The following GPR35 variants were observed in gnomAD, a reference collection of about 807,000 sequenced individuals.
The protein encoded by GPR35 is KYNA receptor.
For synonymous variants in GPR35, 207 were observed against 198.4 expected, an observed-to-expected ratio of 1.04 and a Z score of -0.36; for missense variants, 372 against 422.5, an observed-to-expected ratio of 0.88 and a Z score of 1.05.
At chr2:240,615,247 G>C (rs925242814) in intron 2 of GPR35, among the ~76,000 whole-genome samples, 7 of 152,160 alleles carry the variant, frequency 4.6e-5, no homozygotes, top group African/African-American at 1.7e-4. Context: ...CTGCCCTCCT[G>C]CTCAGATGGT....
upstream of GPR35, among the ~76,000 whole-genome samples, chr2:240,623,095 AT>A (rs1176014000): frequency 6.6e-6 from 1 of 152,130 alleles, no homozygotes; most frequent in African/African-American, 2.4e-5. Flanking sequence ...TGAGCACCTG[AT>A]ATGTCCCCGG....
At chr2:240,607,914 CA>C (rs370364176) in intron 2 of GPR35, among the ~76,000 whole-genome samples, 82 of 151,722 alleles carry the variant, frequency 5.4e-4, no homozygotes, top group African/African-American at 1.8e-3. Flanking sequence ...TAAATTGAGA[CA>C]GGGGCTCACT....
upstream of GPR35, among the ~76,000 whole-genome samples, chr2:240,623,440 GGGCGCAAACA>G (rs1220657151): frequency 9.5e-4 from 77 of 81,248 alleles, 6 homozygotes; most frequent in Middle Eastern, 0.015. Context: ...CAGGTCGTGA[GGGCGCAAACA>G]GGTCGTGAGG....
intron 1 of GPR35, among the ~76,000 whole-genome samples, chr2:240,627,262 C>T (rs536934949): frequency 6.6e-6 from 1 of 152,318 alleles, no homozygotes; most frequent in African/African-American, 2.4e-5. Flanking sequence ...TCCCAGGGGC[C>T]CCATGCCATC....
chr2:240,612,150 A>T (rs565195403), intron 2 of GPR35, among the ~76,000 whole-genome samples: 1 of 151,974 alleles, frequency 6.6e-6, no homozygotes, highest in Non-Finnish European at 1.5e-5. Context: ...GATCTACTCA[A>T]CATCTTATTA....
chr2:240,625,229 C>T, upstream of GPR35: 5 of 981,710 alleles, frequency 5.1e-6, no homozygotes, highest in Non-Finnish European at 6.0e-6. Context: ...TGCTGTCTGT[C>T]TCTCACGCTG....
upstream of GPR35, among the ~76,000 whole-genome samples, chr2:240,621,811 CA>C: frequency 6.6e-6 from 1 of 152,338 alleles, no homozygotes; most frequent in African/African-American, 2.4e-5. Flanking sequence ...TTTTCTCATA[CA>C]GGGGTCTCGT....
At chr2:240,609,631 A>G (rs1441233163) in intron 2 of GPR35, among the ~76,000 whole-genome samples, 1 of 152,264 alleles carries the variant, frequency 6.6e-6, no homozygotes, top group Non-Finnish European at 1.5e-5. Flanking sequence ...TTTATGGCCT[A>G]GCAGATGGAC....
intron 5 of GPR35, among the ~76,000 whole-genome samples, chr2:240,619,751 C>T (rs752411034): frequency 5.3e-4 from 80 of 152,374 alleles, no homozygotes; most frequent in Non-Finnish European, 6.6e-4. Context: ...CTCCCCCAAC[C>T]GGAGGTCTCC....
chr2:240,618,826 A>G (rs1027277724), intron 4 of GPR35: 3 of 534,482 alleles, frequency 5.6e-6, no homozygotes, highest in South Asian at 5.2e-5. Context: ...TTCATTTACA[A>G]ATACATTCTG....
chr2:240,612,706 C>G (rs2043195564), intron 2 of GPR35, among the ~76,000 whole-genome samples: 1 of 152,254 alleles, frequency 6.6e-6, no homozygotes, highest in Non-Finnish European at 1.5e-5. Context: ...GCACACGGCT[C>G]TTCAGCAGGG....
chr2:240,617,957 C>A (rs145007699), intron 4 of GPR35, among the ~76,000 whole-genome samples: 27 of 152,328 alleles, frequency 1.8e-4, no homozygotes, highest in African/African-American at 5.1e-4. Flanking sequence ...CCAAGAGCCC[C>A]TCTTCCTCTT....
upstream of GPR35, chr2:240,625,391 C>A (rs1322501550): frequency 2.0e-6 from 2 of 985,392 alleles, no homozygotes; most frequent in Non-Finnish European, 2.4e-6. Flanking sequence ...TTACCCCTGA[C>A]CTGCTGCCGT....
At chr2:240,610,447 A>T (rs900817238) in intron 2 of GPR35, among the ~76,000 whole-genome samples, 1 of 152,130 alleles carries the variant, frequency 6.6e-6, no homozygotes, top group African/African-American at 2.4e-5. Flanking sequence ...TCAGGCAGAC[A>T]GCATATTGTC....
chr2:240,606,101 C>G (rs1428195633), intron 1 of GPR35, among the ~76,000 whole-genome samples: 2 of 152,210 alleles, frequency 1.3e-5, no homozygotes, highest in Non-Finnish European at 2.9e-5. Flanking sequence ...TAGTCCCCAG[C>G]AGGTATAGCC....
chr2:240,624,444 C>T (rs2043345651), upstream of GPR35, among the ~76,000 whole-genome samples: 1 of 152,162 alleles, frequency 6.6e-6, no homozygotes, highest in Admixed American at 6.5e-5. Context: ...AGAGAAGGAC[C>T]AATGCCCAGC....
At chr2:240,611,297 T>C (rs745525284) in intron 2 of GPR35, among the ~76,000 whole-genome samples, 1 of 152,172 alleles carries the variant, frequency 6.6e-6, no homozygotes, top group Non-Finnish European at 1.5e-5. Flanking sequence ...CTGGATTGTT[T>C]ACCTCAGTCA....
At chr2:240,623,310 C>CAAACAGGTCGTGAGGGT (rs1559437438), upstream of GPR35, among the ~76,000 whole-genome samples, 935 of 95,712 alleles carry the variant, frequency 9.8e-3, 77 homozygotes, top group East Asian at 0.045. Context: ...GTCATGAGGG[C>CAAACAGGTCGTGAGGGT]GCAAACAGGT....
In GPR35 at chr2:240,630,220, C is replaced by T; in HGVS notation, c.268C>T (p.Gln90Ter). ...AGACACCTCAGACACGCCGCTGTGC[C>T]AGCTCTCCCAGGGCATCTACCTGAC... ...LRDTSDTPLCQLSQGIYLTNR... is the reference protein window; with the variant it reads ...LRDTSDTPLC Residue 90 changes from glutamine to a stop codon, truncating the protein, a stop_gained, in exon 2 of 2, where the codon CAG becomes TAG. Transcript: ENST00000407714. LOFTEE classifies it low-confidence loss of function (END_TRUNC). 2 of 1,569,366 alleles carry T rather than the reference C, an allele frequency of 1.3e-6. No individual in the cohort carries two copies. The highest frequency in any genetic ancestry group is 1.7e-6 in the Non-Finnish European group (2 of 1,159,740).
Sources: gnomAD v4.1 joint callset for allele counts (sites outside exome capture counted in the v4.1 genomes callset) on GRCh38, gnomAD v4.1.1 for gene constraint, MANE v1.5 for transcripts, NCBI Gene and HGNC (gene_info 2026-07-23, HGNC 2026-07-21) for gene names.